HERC1: variants seen among roughly 807,000 people sequenced by gnomAD.
The protein encoded by HERC1 is HECT and RLD domain containing E3 ubiquitin protein ligase family member 1, also known as probable E3 ubiquitin-protein ligase HERC1.
Under a neutral mutation model 554.3 loss-of-function variants are expected in HERC1, and 160 were observed. The observed-to-expected ratio is 0.29, with a 90% CI of 0.25 to 0.33. The LOEUF (loss-of-function observed/expected upper bound fraction) is 0.33. HERC1 is among the 10% of genes least tolerant of loss of function. The pLI is 1.00. For missense variants in HERC1, 4,919 were observed against 5,918.5 expected, an observed-to-expected ratio of 0.83 and a Z score of 5.54; for synonymous variants, 2,175 against 2,131.7, an observed-to-expected ratio of 1.02 and a Z score of -0.56.
At position 63,725,285 on chromosome 15, in the gene HERC1, A is replaced by G. The variant is rs771798031; in HGVS notation, c.3568+7T>C. ...TGTATTTTAAATGCTGCAGAGAAGC[A>G]CATTACCCAATTGAGGAGTGTCCAT... On this transcript the variant is annotated splice_region_variant and intron_variant, in intron 18 of 77. Transcript: ENST00000443617. 4 of 1,610,720 alleles carry G rather than the reference A, an allele frequency of 2.5e-6. No individual in the cohort carries two copies. The Admixed American group carries it at 6.7e-5, about 27-fold the overall frequency.
intron 74 of HERC1, among the ~76,000 whole-genome samples, chr15:63,617,123 T>A (rs977184944): frequency 3.9e-5 from 6 of 152,210 alleles, no homozygotes; most frequent in African/African-American, 1.2e-4. Context: ...ACTCTTCATT[T>A]AACATTAGGT....
chr15:63,686,475 G>A lies in HERC1; in HGVS notation c.6109C>T (p.Pro2037Ser). 1.9e-6 allele frequency: 3 copies of A among 1,613,722 alleles called. No individual in the cohort carries two copies. Among genetic ancestry groups the A allele is most frequent in the Non-Finnish European group, 2.5e-6 (3 of 1,179,756 alleles). Reference sequence around the variant, plus strand: ...ACTAGGCAACACTGAGCTTTCTCCGGGTCAAAGGATACTTCTTGGATAGGA... The same window carrying A: ...ACTAGGCAACACTGAGCTTTCTCCGAGTCAAAGGATACTTCTTGGATAGGA... ...NLPIQEVSFD[P>S]EKAQCCLVEN... The change falls in exon 34 of 78, where the codon CCG (proline) becomes TCG (serine). Residue 2037 changes from proline to serine, a missense_variant. Physicochemically the swap from Pro to Ser is moderately conservative, Grantham distance 74. Coordinates refer to ENST00000443617, the MANE Select transcript of HERC1 (RefSeq NM_003922.4).
intron 1 of HERC1, among the ~76,000 whole-genome samples, chr15:63,807,759 T>C (rs746463334): frequency 6.6e-6 from 1 of 152,158 alleles, no homozygotes; most frequent in East Asian, 1.9e-4. Flanking sequence ...AATTCCTACA[T>C]CACTCAGTTG....
chr15:63,747,104 A>G (rs2141668640), intron 11 of HERC1, 21 bp from the exon 12 acceptor site: 1 of 1,581,780 alleles, frequency 6.3e-7, no homozygotes, highest in Non-Finnish European at 8.6e-7. Context: ...ATAAACGTCT[A>G]TGAATTCTCG....
intron 37 of HERC1, 43 bp from the exon 38 acceptor site, chr15:63,675,160 G>C (rs1398787239): frequency 6.7e-7 from 1 of 1,495,628 alleles, no homozygotes; most frequent in Non-Finnish European, 9.0e-7. Context: ...GCAAGTGAGG[G>C]AAAGACGGGA....
chr15:63,646,385 T>C lies in HERC1; in HGVS notation c.10879-703A>G, dbSNP rs533847860. 1.2e-4 allele frequency among the ~76,000 whole-genome samples: 18 copies of C among 152,240 alleles called. No individual in the cohort carries two copies. The South Asian group carries it at 3.7e-3, about 32-fold the overall frequency. On this transcript the variant is annotated intron_variant, in intron 55 of 77. Coordinates refer to ENST00000443617, the MANE Select transcript of HERC1 (RefSeq NM_003922.4). The stretch of plus-strand genomic sequence containing the variant: ...ATGGCTTATTTATTTTTACATAGAC[T>C]TATCCATGTATATCCATGGTCCAAA...
At position 63,749,279 on chromosome 15, in the gene HERC1, C is replaced by G. The variant is rs954134215; in HGVS notation, c.2219+88G>C. On this transcript the variant is annotated intron_variant, in intron 10 of 77. Transcript: ENST00000443617. The surrounding 1 kb of genome is among the most constrained non-coding windows in gnomAD (Gnocchi z 4.1). ...AGAAGAGTATTTTATGAACAAAGCA[C>G]AATTATTTCTGTTTTTATTAGTGTT... The G allele has an allele frequency of 9.8e-7, 1 of 1,016,560 alleles. No homozygotes were observed. The highest frequency in any genetic ancestry group is 1.6e-5 in the African/African-American group (1 of 61,520). 63.0% of individuals were successfully genotyped at this position (1,016,560 alleles called of 1,614,324 possible). A position where few individuals can be genotyped will look rare whatever the true frequency, so the allele number is the denominator to read the frequency against.
rs144899554 is a variant in HERC1 at position 63,721,742 on chromosome 15, A to G, written c.3742+1440T>C. 5.8e-4 allele frequency among the ~76,000 whole-genome samples: 89 copies of G among 152,356 alleles called. 2 individuals are homozygous for G. Among genetic ancestry groups the G allele is most frequent in the African/African-American group, 2.0e-3 (82 of 41,586 alleles). On this transcript the variant is annotated intron_variant, in intron 19 of 77. Transcript: ENST00000443617. ...GACAGGATAAGAGAATGACACAGAG[A>G]AAGAAAACTAGAGATAGGTGATTCT...
chr15:63,742,040 A>T (rs2074832407), intron 12 of HERC1, among the ~76,000 whole-genome samples: 1 of 152,240 alleles, frequency 6.6e-6, no homozygotes, highest in Non-Finnish European at 1.5e-5. Context: ...AAGAATTTTG[A>T]TAGTGATTGC....
In HERC1 at chr15:63,633,966, GC is replaced by G; in HGVS notation, c.12574del (p.Ala4192ProfsTer4). 6.2e-7 allele frequency: 1 copy of G among 1,613,788 alleles called. No homozygotes were observed. The highest frequency in any genetic ancestry group is 8.5e-7 in the Non-Finnish European group (1 of 1,179,776). On this transcript the variant is annotated frameshift_variant, in exon 67 of 78. Coordinates refer to ENST00000443617, the MANE Select transcript of HERC1 (RefSeq NM_003922.4). LOFTEE classifies it high-confidence loss of function. ...TGCCAAAGTGTGGTTTAATCCACAG[GC>G]CACCTAAAGAAATAACAGCATTCCG... ...ALEGYQIGQV[A>X]CGLNHTLAVS...
At chr15:63,725,953 C>T (rs1033821030) in intron 17 of HERC1, among the ~76,000 whole-genome samples, 4 of 151,916 alleles carry the variant, frequency 2.6e-5, no homozygotes, top group Admixed American at 2.6e-4. Context: ...ATACTAAGAT[C>T]CAGACCCATG....
intron 14 of HERC1, among the ~76,000 whole-genome samples, chr15:63,730,527 T>C (rs2074247488): frequency 6.6e-6 from 1 of 152,146 alleles, no homozygotes; most frequent in South Asian, 2.1e-4. Context: ...GACAAGATCA[T>C]GAAGAGGAAG....
intron 25 of HERC1, among the ~76,000 whole-genome samples, chr15:63,702,881 G>A (rs2072798096): frequency 6.6e-6 from 1 of 152,120 alleles, no homozygotes; most frequent in Non-Finnish European, 1.5e-5. Context: ...CAAGGTGGGG[G>A]GATCACGAGG....
chr15:63,691,815 T>G (rs2072130590), intron 31 of HERC1, among the ~76,000 whole-genome samples: 1 of 152,230 alleles, frequency 6.6e-6, no homozygotes, highest in African/African-American at 2.4e-5. Context: ...TGTATAATAC[T>G]GTGAATAAGC....
chr15:63,655,866 A>G lies in HERC1; in HGVS notation c.9960T>C (p.Ile3320=). ...AGGTCACAAGCTTGTTCTCTTCAGC[A>G]ATTCCTCGGAGAAAGCTGGGTAGAA... is the stretch of plus-strand genomic sequence containing the variant. ...RKFLPSFLRG[I]AEENKLVTSP... is the part of the protein sequence containing the mutation. Residue 3320 remains isoleucine, a synonymous_variant, in exon 50 of 78, where the codon ATT becomes ATC. Transcript: ENST00000443617. 1 of 1,611,068 alleles carries G rather than the reference A, an allele frequency of 6.2e-7. No individual in the cohort carries two copies. Among genetic ancestry groups the G allele is most frequent in the South Asian group, 1.1e-5 (1 of 90,132 alleles).
intron 1 of HERC1, among the ~76,000 whole-genome samples, chr15:63,779,330 G>C (rs1362043940): frequency 2.0e-5 from 3 of 151,990 alleles, no homozygotes; most frequent in Non-Finnish European, 2.9e-5. Context: ...ATATTTCAAA[G>C]ACAAAGATAA....
chr15:63,700,335 T>C (rs2072647620), intron 25 of HERC1, among the ~76,000 whole-genome samples: 1 of 152,068 alleles, frequency 6.6e-6, no homozygotes, highest in Non-Finnish European at 1.5e-5. Context: ...GGGAAGTATC[T>C]TAAGGTACCC....
In HERC1 at chr15:63,755,577, G is replaced by A. The variant is rs190991166; in HGVS notation, c.1534-252C>T. 9.9e-5 allele frequency among the ~76,000 whole-genome samples: 15 copies of A among 152,210 alleles called. No homozygotes were observed. The East Asian group carries it at 2.3e-3, about 23-fold the overall frequency. The stretch of plus-strand genomic sequence containing the variant: ...GCAGATTGTTTGAGCTCAGGAGTTC[G>A]AGTTCAGCCTGGGCAACATGGCAAA... On this transcript the variant is annotated intron_variant, in intron 5 of 77. Transcript: ENST00000443617.
chr15:63,685,871 T>C (rs1168490427), intron 34 of HERC1, among the ~76,000 whole-genome samples: 3 of 152,212 alleles, frequency 2.0e-5, no homozygotes, highest in African/African-American at 7.2e-5. Context: ...ACCTAACTGA[T>C]ACAGGCTGGC....
Sources: allele counts gnomAD v4.1 joint callset (sites outside exome capture counted in the v4.1 genomes callset), GRCh38; gene constraint gnomAD v4.1.1; non-coding constraint Gnocchi (gnomAD v3.1); transcripts MANE v1.5; gene names NCBI Gene and HGNC (gene_info 2026-07-23, HGNC 2026-07-21).